The following PKHD1 variants were observed in gnomAD, a reference collection of about 807,000 sequenced individuals.
PKHD1 encodes the protein fibrocystin.
Under a neutral mutation model 412.0 loss-of-function variants are expected in PKHD1, and 291 were observed. The observed-to-expected ratio is 0.71, with a 90% CI of 0.64 to 0.78. The LOEUF (loss-of-function observed/expected upper bound fraction) is 0.78, where lower values mean the gene tolerates loss of function less well. PKHD1 is among the 30% of genes least tolerant of loss of function. The pLI is 0.00. For missense variants in PKHD1, 4,825 were observed against 4,950.7 expected, an observed-to-expected ratio of 0.97 and a Z score of 0.76; for synonymous variants, 1,777 against 1,821.5, an observed-to-expected ratio of 0.98 and a Z score of 0.62.
chr6:51,733,456 G>C (rs1783467718), intron 60 of PKHD1, among the ~76,000 whole-genome samples: 1 of 149,822 alleles, frequency 6.7e-6, no homozygotes, highest in Non-Finnish European at 1.5e-5. Flanking sequence ...AGAATGGTGT[G>C]AACCCAGGAG....
intron 53 of PKHD1, among the ~76,000 whole-genome samples, chr6:51,777,679 G>GAAAAAAA (rs59379021): frequency 4.2e-5 from 5 of 118,794 alleles, no homozygotes; most frequent in Non-Finnish European, 7.0e-5. Flanking sequence ...GAGTCTTTGG[G>GAAAAAAA]AAAAAAAAAA....
At chr6:51,721,133 A>T in intron 60 of PKHD1, 2 of 958,012 alleles carry the variant, frequency 2.1e-6, no homozygotes, top group Non-Finnish European at 2.5e-6. Context: ...CACTGTTCCA[A>T]TAATGGAACA....
At chr6:51,663,674 C>T (rs1026589195) in intron 60 of PKHD1, among the ~76,000 whole-genome samples, 1 of 152,092 alleles carries the variant, frequency 6.6e-6, no homozygotes, top group Non-Finnish European at 1.5e-5. Context: ...GTGTTCTTGT[C>T]AGGTGTCTAA....
At chr6:52,022,494 T>G (rs956888843) in intron 33 of PKHD1, among the ~76,000 whole-genome samples, 1 of 152,170 alleles carries the variant, frequency 6.6e-6, no homozygotes, top group South Asian at 2.1e-4. Flanking sequence ...TCATTGAAAC[T>G]AATATTCAGA....
At chr6:51,777,421 G>A (rs1050434190) in intron 53 of PKHD1, among the ~76,000 whole-genome samples, 1 of 152,070 alleles carries the variant, frequency 6.6e-6, no homozygotes, top group African/African-American at 2.4e-5. Flanking sequence ...GGGTGAGCAA[G>A]CCTATGTATT....
At chr6:51,865,197 T>C (rs1014079486) in intron 48 of PKHD1, among the ~76,000 whole-genome samples, 9 of 152,142 alleles carry the variant, frequency 5.9e-5, no homozygotes, top group Non-Finnish European at 1.3e-4. Flanking sequence ...TTTTCAGAGC[T>C]GATGAGAGAG....
In PKHD1 at chr6:52,050,304, C is replaced by T. The variant is rs1169491816; in HGVS notation, c.2141-9G>A. The T allele has an allele frequency of 1.2e-6, 2 of 1,613,930 alleles. No homozygotes were observed. Among genetic ancestry groups the T allele is most frequent in the Admixed American group, 1.7e-5 (1 of 59,994 alleles). On this transcript the variant is annotated splice_polypyrimidine_tract_variant and intron_variant, in intron 21 of 66. Transcript: ENST00000371117. ...AGAATCAGCTTGAGAAACTAGAGAC[C>T]AGTGATCCAATTACTATCAAGTGAC... is the stretch of plus-strand genomic sequence containing the variant.
chr6:51,964,558 G>T (rs1362713402), intron 35 of PKHD1, among the ~76,000 whole-genome samples: 2 of 152,102 alleles, frequency 1.3e-5, no homozygotes, highest in East Asian at 3.9e-4. Flanking sequence ...AGCTTCACAA[G>T]AGTGTCTTGC....
At chr6:51,943,274 G>A (rs1463108467) in intron 36 of PKHD1, among the ~76,000 whole-genome samples, 1 of 151,354 alleles carries the variant, frequency 6.6e-6, no homozygotes, top group African/African-American at 2.4e-5. Context: ...TCAGAATTCA[G>A]GCCTGAACTC....
At chr6:52,022,759 T>C (rs766439006) in intron 33 of PKHD1, 42 bp downstream of exon 33, 67 of 1,592,040 alleles carry the variant, frequency 4.2e-5, no homozygotes, top group Non-Finnish European at 5.8e-5. Flanking sequence ...ATCATTTCCA[T>C]ATATATGCTT....
intron 59 of PKHD1, among the ~76,000 whole-genome samples, chr6:51,744,808 G>T (rs887816428): frequency 6.6e-6 from 1 of 151,994 alleles, no homozygotes; most frequent in South Asian, 2.1e-4. Flanking sequence ...TAAGAAGCAA[G>T]ATACAATAAA....
intron 52 of PKHD1, among the ~76,000 whole-genome samples, chr6:51,826,000 A>G (rs957837128): frequency 6.6e-6 from 1 of 152,182 alleles, no homozygotes. Flanking sequence ...CATCTCTGCT[A>G]TAATTCAGTA....
intron 35 of PKHD1, among the ~76,000 whole-genome samples, chr6:51,961,438 C>G (rs908798735): frequency 5.3e-5 from 8 of 152,016 alleles, no homozygotes; most frequent in African/African-American, 1.2e-4. Context: ...TAGTGATAAC[C>G]AGTTCCAGTA....
intron 24 of PKHD1, 68 bp downstream of exon 24, chr6:52,045,936 G>T: frequency 1.0e-6 from 1 of 1,000,082 alleles, no homozygotes; most frequent in Non-Finnish European, 1.6e-6. Context: ...GTATAATTCT[G>T]ATTTTTTTTT....
chr6:51,895,918 G>A (rs868273741), intron 43 of PKHD1, among the ~76,000 whole-genome samples: 7 of 152,232 alleles, frequency 4.6e-5, no homozygotes, highest in Middle Eastern at 3.4e-3. Context: ...ACGGCACCTG[G>A]AAAATCGGGT....
At chr6:51,650,739 C>G (rs9474039) in intron 61 of PKHD1, among the ~76,000 whole-genome samples, 6,732 of 152,152 alleles carry the variant, frequency 0.044, 531 homozygotes, top group African/African-American at 0.15. Context: ...TCCTAAGAAG[C>G]TCTTTAGTCA....
intron 60 of PKHD1, among the ~76,000 whole-genome samples, chr6:51,686,284 G>C (rs1378239546): frequency 6.6e-6 from 1 of 152,034 alleles, no homozygotes; most frequent in Non-Finnish European, 1.5e-5. Context: ...ACAAAAGCTG[G>C]ACTTCTTTCC....
intron 55 of PKHD1, among the ~76,000 whole-genome samples, chr6:51,760,460 A>T (rs1445785854): frequency 6.6e-6 from 1 of 152,158 alleles, no homozygotes; most frequent in East Asian, 1.9e-4. Flanking sequence ...TCTTACGTTC[A>T]GATGATGGGA....
chr6:51,685,505 T>G (rs1196946161), intron 60 of PKHD1, among the ~76,000 whole-genome samples: 1 of 152,140 alleles, frequency 6.6e-6, no homozygotes. Flanking sequence ...TAAAAAAAAT[T>G]TTTTTAAAGA....
Sources: gnomAD v4.1 joint callset for allele counts (sites outside exome capture counted in the v4.1 genomes callset) on GRCh38, gnomAD v4.1.1 for gene constraint, MANE v1.5 for transcripts, NCBI Gene and HGNC (gene_info 2026-07-23, HGNC 2026-07-21) for gene names.